The following PID1 variants were observed in gnomAD, a reference collection of about 807,000 sequenced individuals.
PID1 encodes the protein PTB-containing, cubilin and LRP1-interacting protein.
PID1 carries 10 observed loss-of-function variants against 19.1 expected under a neutral mutation model. The ratio of observed to expected loss-of-function variants is 0.52; its 90% CI spans 0.32 to 0.89. PID1 has a LOEUF of 0.89. Ranked by LOEUF, PID1 falls within the 40% of genes least tolerant of loss-of-function variation. The pLI, the probability that PID1 is intolerant of heterozygous loss-of-function variation, is 0.03. For missense variants in PID1, 248 were observed against 285.3 expected (o/e 0.87, Z 0.94); for synonymous variants, 130 against 116.0 (o/e 1.12, Z -0.78).
intron 2 of PID1, among the ~76,000 whole-genome samples, chr2:229,091,182 TTC>T (rs924986832): frequency 6.6e-6 from 1 of 152,140 alleles, no homozygotes; most frequent in Non-Finnish European, 1.5e-5. Flanking sequence ...TTAGAATATA[TTC>T]TGTTACTGTA....
intron 1 of PID1, among the ~76,000 whole-genome samples, chr2:229,210,076 A>C (rs1189489892): frequency 1.3e-5 from 2 of 151,906 alleles, no homozygotes; most frequent in East Asian, 3.9e-4. Context: ...TTGTTTATTA[A>C]CCTTTCTTTC....
At chr2:229,160,394 A>G (rs1010170502) in intron 1 of PID1, among the ~76,000 whole-genome samples, 9 of 152,028 alleles carry the variant, frequency 5.9e-5, no homozygotes, top group Non-Finnish European at 1.3e-4. Context: ...TGGAGACAGG[A>G]AGATAACAGA....
chr2:229,231,823 A>ACTCCTCTT, intron 1 of PID1: 2 of 1,518,726 alleles, frequency 1.3e-6, no homozygotes, highest in South Asian at 2.5e-5. Flanking sequence ...CCTACTTCCC[A>ACTCCTCTT]CTCCTCTTCT....
chr2:229,228,006 C>T lies in PID1; in HGVS notation c.30+43008G>A, dbSNP rs758652331. ...TTGGTATTCACAAGAGGTCCTGAAT[C>T]GATTCCCCAGGGATACTGAGGGACA... On this transcript the variant is annotated intron_variant, in intron 1 of 2. Transcript: ENST00000392055. 4.5e-4 allele frequency: 204 copies of T among 455,818 alleles called. 4 individuals are homozygous for T. The highest frequency in any genetic ancestry group is 3.0e-3 in the South Asian group (195 of 64,552). The allele number at this position is 455,818 out of a possible 1,614,324, so 28.2% of individuals were successfully genotyped here. A position where few individuals can be genotyped will look rare whatever the true frequency, so the allele number is the denominator to read the frequency against.
chr2:229,162,091 T>A (rs1378439099), intron 1 of PID1, among the ~76,000 whole-genome samples: 1 of 152,218 alleles, frequency 6.6e-6, no homozygotes, highest in Non-Finnish European at 1.5e-5. Context: ...TATTCATTTT[T>A]AAAGAAGTGA....
At chr2:229,152,068 T>C (rs972251232) in intron 2 of PID1, among the ~76,000 whole-genome samples, 2 of 152,156 alleles carry the variant, frequency 1.3e-5, no homozygotes, top group South Asian at 2.1e-4. Context: ...TGGACTGCCA[T>C]AGCAAATCCA....
At chr2:229,096,605 C>T (rs1458562296) in intron 2 of PID1, among the ~76,000 whole-genome samples, 1 of 152,086 alleles carries the variant, frequency 6.6e-6, no homozygotes, top group Non-Finnish European at 1.5e-5. Flanking sequence ...TGGTCTTTCC[C>T]TTCTAGTGGT....
intron 2 of PID1, among the ~76,000 whole-genome samples, chr2:229,111,170 C>T (rs1440762776): frequency 6.6e-6 from 1 of 152,108 alleles, no homozygotes; most frequent in Non-Finnish European, 1.5e-5. Flanking sequence ...TCCATTAAAC[C>T]TCTTTTTCTT....
intron 1 of PID1, among the ~76,000 whole-genome samples, chr2:229,222,207 CT>C (rs1311827011): frequency 6.6e-6 from 1 of 152,188 alleles, no homozygotes; most frequent in Non-Finnish European, 1.5e-5. Context: ...GAACACTCCC[CT>C]TCATGCACCC....
At chr2:229,083,793 C>A (rs1427089688) in intron 2 of PID1, among the ~76,000 whole-genome samples, 1 of 152,184 alleles carries the variant, frequency 6.6e-6, no homozygotes, top group Non-Finnish European at 1.5e-5. Flanking sequence ...AAAGGCAATT[C>A]AGATTATAAC....
At chr2:229,266,434 C>G (rs1255313091) in intron 1 of PID1, among the ~76,000 whole-genome samples, 1 of 147,776 alleles carries the variant, frequency 6.8e-6, no homozygotes, top group African/African-American at 2.7e-5. Flanking sequence ...TATGTGCCAC[C>G]AAAGATTTGA....
At chr2:229,245,653 C>T (rs542801553) in intron 1 of PID1, among the ~76,000 whole-genome samples, 13 of 152,180 alleles carry the variant, frequency 8.5e-5, no homozygotes, top group Non-Finnish European at 1.6e-4. Flanking sequence ...AATACTTGAA[C>T]GTATTTTATA....
intron 1 of PID1, among the ~76,000 whole-genome samples, chr2:229,177,028 T>G (rs1437175249): frequency 6.6e-6 from 1 of 152,196 alleles, no homozygotes; most frequent in Non-Finnish European, 1.5e-5. Context: ...CATGGCAGAA[T>G]GTGAAAGGTA....
chr2:229,048,738 T>C (rs1024653548), intron 2 of PID1, among the ~76,000 whole-genome samples: 1 of 152,198 alleles, frequency 6.6e-6, no homozygotes, highest in South Asian at 2.1e-4. Context: ...AAAATTTTAC[T>C]TTGTGCCTTG....
chr2:229,192,936 CCATG>C (rs1691293859), intron 1 of PID1, among the ~76,000 whole-genome samples: 1 of 152,212 alleles, frequency 6.6e-6, no homozygotes, highest in Non-Finnish European at 1.5e-5. Flanking sequence ...GCTCCTAATT[CCATG>C]CTGCTTCTTT....
At chr2:229,169,277 G>C (rs1244451978) in intron 1 of PID1, among the ~76,000 whole-genome samples, 2 of 151,944 alleles carry the variant, frequency 1.3e-5, no homozygotes, top group Non-Finnish European at 2.9e-5. Context: ...GCCTCTTTTG[G>C]GAGCCCCTGT....
intron 2 of PID1, among the ~76,000 whole-genome samples, chr2:229,105,585 C>T (rs952366660): frequency 1.3e-5 from 2 of 152,156 alleles, no homozygotes; most frequent in Non-Finnish European, 2.9e-5. Context: ...CTGTCAGTTC[C>T]CAAGTCGCCC....
intron 2 of PID1, among the ~76,000 whole-genome samples, chr2:229,117,945 A>C (rs1695441914): frequency 6.6e-6 from 1 of 152,038 alleles, no homozygotes; most frequent in Non-Finnish European, 1.5e-5. Context: ...TCAATCATTT[A>C]TCCTCATTGC....
At position 229,238,618 on chromosome 2, in the gene PID1, A is replaced by G. The variant is rs146485028; in HGVS notation, c.30+32396T>C. On this transcript the variant is annotated intron_variant, in intron 1 of 2. Transcript: ENST00000392055. ...AGTTTGGGAGGTGGGATAGTCTACAAATGAGTAAGAAAGGCCAGAGTTAAT... is the reference window on the plus strand; with the variant it reads ...AGTTTGGGAGGTGGGATAGTCTACAGATGAGTAAGAAAGGCCAGAGTTAAT... 1.8e-3 allele frequency among the ~76,000 whole-genome samples: 279 copies of G among 152,272 alleles called. 2 individuals are homozygous for G. Among genetic ancestry groups the G allele is most frequent in the Middle Eastern group, 0.01 (3 of 294 alleles).
Sources: gnomAD v4.1 joint callset for allele counts (sites outside exome capture counted in the v4.1 genomes callset) on GRCh38, gnomAD v4.1.1 for gene constraint, MANE v1.5 for transcripts, NCBI Gene and HGNC (gene_info 2026-07-23, HGNC 2026-07-21) for gene names.